Variants in NEK1 observed in about 807,000 individuals in gnomAD.
The protein encoded by NEK1 is NIMA related kinase 1, also known as serine/threonine-protein kinase Nek1.
Under a neutral mutation model 182.1 loss-of-function variants are expected in NEK1, and 137 were observed. The ratio of observed to expected loss-of-function variants is 0.75; its 90% CI spans 0.65 to 0.87. NEK1 has a LOEUF of 0.87. Among genes scored for constraint, NEK1 ranks in the 40% least tolerant of loss-of-function variants. NEK1 has a pLI of 0.00. For synonymous variants in NEK1, 513 were observed against 492.2 expected (o/e 1.04, Z -0.56); for missense variants, 1,391 against 1,494.4 (o/e 0.93, Z 1.14).
At chr4:169,601,739 G>A (rs1312696010) in intron 4 of NEK1, among the ~76,000 whole-genome samples, 1 of 151,796 alleles carries the variant, frequency 6.6e-6, no homozygotes, top group Non-Finnish European at 1.5e-5. Flanking sequence ...GGGAGGCTGA[G>A]GCATAAGAAT....
chr4:169,448,258 C>T (rs545181404), intron 27 of NEK1, among the ~76,000 whole-genome samples: 1 of 151,964 alleles, frequency 6.6e-6, no homozygotes, highest in African/African-American at 2.4e-5. Flanking sequence ...TTTTGAGAGA[C>T]AATACAGTAA....
chr4:169,524,858 C>T (rs907609120), intron 19 of NEK1, among the ~76,000 whole-genome samples: 24 of 152,182 alleles, frequency 1.6e-4, no homozygotes, highest in African/African-American at 5.3e-4. Flanking sequence ...TACTGGAACA[C>T]ATTCATGCTT....
At chr4:169,513,096 T>C (rs967870418) in intron 19 of NEK1, among the ~76,000 whole-genome samples, 1 of 152,168 alleles carries the variant, frequency 6.6e-6, no homozygotes, top group African/African-American at 2.4e-5. Context: ...TCTTTCCATA[T>C]AAATTTTAAA....
At chr4:169,526,491 T>C (rs889595596) in intron 19 of NEK1, among the ~76,000 whole-genome samples, 5 of 151,706 alleles carry the variant, frequency 3.3e-5, no homozygotes, top group African/African-American at 7.3e-5. Flanking sequence ...ACCCCGTCTC[T>C]AAAAAAAACA....
chr4:169,472,831 A>G (rs908632396), intron 26 of NEK1, among the ~76,000 whole-genome samples: 1 of 152,236 alleles, frequency 6.6e-6, no homozygotes, highest in African/African-American at 2.4e-5. Context: ...TGCAGTACAA[A>G]TAAGACAAGC....
intron 12 of NEK1, among the ~76,000 whole-genome samples, chr4:169,571,477 T>C (rs906137852): frequency 6.6e-6 from 1 of 152,190 alleles, no homozygotes. Context: ...AACGTGGGAA[T>C]GGCGTAGAGG....
intron 12 of NEK1, among the ~76,000 whole-genome samples, chr4:169,568,606 G>C (rs983047212): frequency 6.6e-6 from 1 of 152,000 alleles, no homozygotes; most frequent in Non-Finnish European, 1.5e-5. Flanking sequence ...TAAACTTTCT[G>C]AGCTATATTA....
chr4:169,509,896 T>C (rs1478249610), intron 19 of NEK1, among the ~76,000 whole-genome samples: 1 of 152,186 alleles, frequency 6.6e-6, no homozygotes, highest in Admixed American at 6.5e-5. Context: ...TTTATAAAAC[T>C]GGTATTTTAC....
At chr4:169,493,716 A>G (rs1750562084) in intron 23 of NEK1, among the ~76,000 whole-genome samples, 1 of 152,244 alleles carries the variant, frequency 6.6e-6, no homozygotes, top group African/African-American at 2.4e-5. Context: ...GGTCTTTTGA[A>G]TTAACCCAGT....
chr4:169,477,864 CTCTT>C (rs1482751739), intron 24 of NEK1, among the ~76,000 whole-genome samples: 1 of 151,964 alleles, frequency 6.6e-6, no homozygotes, highest in Non-Finnish European at 1.5e-5. Context: ...TTCATATACT[CTCTT>C]AATTATAACT....
At chr4:169,478,207 G>C (rs1434021116) in intron 24 of NEK1, 1 of 152,052 alleles carries the variant, frequency 6.6e-6, no homozygotes, top group African/African-American at 2.4e-5. Flanking sequence ...TAAGTTTTAA[G>C]TAAGTGACAT....
At chr4:169,562,360 G>A (rs1157741157) in intron 12 of NEK1, among the ~76,000 whole-genome samples, 164 bp from the exon 13 acceptor site, 1 of 151,656 alleles carries the variant, frequency 6.6e-6, no homozygotes, top group African/African-American at 2.4e-5. Context: ...TCTTTGATAT[G>A]CTGTTAAACA....
intron 31 of NEK1, among the ~76,000 whole-genome samples, chr4:169,412,392 T>A (rs1354652703): frequency 6.6e-6 from 1 of 152,222 alleles, no homozygotes; most frequent in African/African-American, 2.4e-5. Context: ...CTAGACTGAT[T>A]TCTACTTTTA....
intron 31 of NEK1, among the ~76,000 whole-genome samples, chr4:169,409,435 C>T (rs1172899580): frequency 5.9e-5 from 9 of 151,954 alleles, no homozygotes; most frequent in South Asian, 4.2e-4. Flanking sequence ...TGAGCCACCG[C>T]GCCCGGCCAC....
At chr4:169,564,422 TAA>T (rs1040308896) in intron 12 of NEK1, among the ~76,000 whole-genome samples, 3 of 152,164 alleles carry the variant, frequency 2.0e-5, no homozygotes, top group African/African-American at 4.8e-5. Context: ...TATTTTAACA[TAA>T]GTCATTGATA....
Position 169,610,563 on chromosome 4 carries a change from G to A in NEK1, c.-49+1457C>T, listed in dbSNP as rs957699048. ...CCTGACCTCAAGTGATCCACCCACC[G>A]TGGCCTCCCAAACTGCTGGGATTAC... On this transcript the variant is annotated intron_variant, in intron 2 of 35. Coordinates refer to ENST00000507142, the MANE Select transcript of NEK1 (RefSeq NM_001199397.3). 4.6e-5 allele frequency among the ~76,000 whole-genome samples: 7 copies of A among 151,952 alleles called. No homozygotes were observed. In the Middle Eastern group the frequency reaches 0.01, roughly 223 times the overall value.
At chr4:169,571,203 T>A (rs141239838) in intron 12 of NEK1, among the ~76,000 whole-genome samples, 8,249 of 149,668 alleles carry the variant, frequency 0.055, 769 homozygotes, top group African/African-American at 0.19. Context: ...AATAAATAAA[T>A]AAATAAATAA....
chr4:169,538,893 C>A (rs891975254), intron 18 of NEK1, among the ~76,000 whole-genome samples: 2 of 152,086 alleles, frequency 1.3e-5, no homozygotes, highest in Non-Finnish European at 2.9e-5. Flanking sequence ...CTTTTACATT[C>A]TTTGGCAACG....
chr4:169,472,781 T>C (rs1017727741), intron 26 of NEK1, among the ~76,000 whole-genome samples: 4 of 152,180 alleles, frequency 2.6e-5, no homozygotes, highest in Admixed American at 1.3e-4. Context: ...ATAACTACTT[T>C]TCATGTATAA....
Sources: gnomAD v4.1 joint callset for allele counts (sites outside exome capture counted in the v4.1 genomes callset) on GRCh38, gnomAD v4.1.1 for gene constraint, MANE v1.5 for transcripts, NCBI Gene and HGNC (gene_info 2026-07-23, HGNC 2026-07-21) for gene names.